The following ELF2 variants were observed in gnomAD, a reference collection of about 807,000 sequenced individuals.
ELF2 encodes ETS-related transcription factor Elf-2.
In ELF2, 11 loss-of-function variants were observed where a neutral mutation model predicts 54.8. That is an observed-to-expected ratio of 0.20 (90% CI 0.13 to 0.33). ELF2 has a LOEUF of 0.33. ELF2 is among the 10% of genes least tolerant of loss of function. The pLI is 1.00. For missense variants in ELF2, 513 were observed against 703.0 expected (o/e 0.73, Z 3.06); for synonymous variants, 203 against 245.1 (o/e 0.83, Z 1.61).
intron 8 of ELF2, among the ~76,000 whole-genome samples, chr4:139,061,026 A>G (rs762459595): frequency 6.6e-6 from 1 of 152,200 alleles, no homozygotes; most frequent in African/African-American, 2.4e-5. Context: ...CAACAAACTG[A>G]TATTACTGGA....
intron 7 of ELF2, among the ~76,000 whole-genome samples, chr4:139,063,919 G>A (rs971331718): frequency 2.0e-5 from 3 of 152,066 alleles, no homozygotes; most frequent in African/African-American, 7.2e-5. Context: ...TTATTATGGA[G>A]GAGAGAGTAG....
chr4:139,077,654 TAA>T (rs1051117252), intron 4 of ELF2, among the ~76,000 whole-genome samples: 3 of 151,082 alleles, frequency 2.0e-5, no homozygotes, highest in African/African-American at 7.3e-5. Context: ...TGTCTGTAAT[TAA>T]AAAAAAAATA....
chr4:139,125,370 A>T (rs1304286119), intron 3 of ELF2, 41 bp from the exon 4 acceptor site: 1 of 1,592,278 alleles, frequency 6.3e-7, no homozygotes, highest in Non-Finnish European at 8.5e-7. Context: ...CTTTGTATTT[A>T]CAAATTCTGA....
At chr4:139,095,451 C>G (rs937794156) in intron 4 of ELF2, among the ~76,000 whole-genome samples, 1 of 152,106 alleles carries the variant, frequency 6.6e-6, no homozygotes, top group African/African-American at 2.4e-5. Flanking sequence ...TCCCAAAGTG[C>G]TGGGATTACA....
At chr4:139,157,923 C>T (rs982888846) in intron 1 of ELF2, among the ~76,000 whole-genome samples, 2 of 152,178 alleles carry the variant, frequency 1.3e-5, no homozygotes, top group Non-Finnish European at 2.9e-5. Context: ...CGTCTGACTA[C>T]GGATCAGAAG....
At chr4:139,119,408 T>C (rs1401328406) in intron 4 of ELF2, among the ~76,000 whole-genome samples, 1 of 152,198 alleles carries the variant, frequency 6.6e-6, no homozygotes, top group Non-Finnish European at 1.5e-5. Context: ...TCAACGGGAT[T>C]CCTATGGCTT....
chr4:139,104,914 C>A (rs1292783615), intron 4 of ELF2, among the ~76,000 whole-genome samples: 1 of 152,158 alleles, frequency 6.6e-6, no homozygotes, highest in Non-Finnish European at 1.5e-5. Context: ...TTTCCCCAAC[C>A]CTATCTACTC....
intron 1 of ELF2, among the ~76,000 whole-genome samples, chr4:139,148,518 A>T (rs774960487): frequency 6.6e-6 from 1 of 151,690 alleles, no homozygotes; most frequent in Non-Finnish European, 1.5e-5. Flanking sequence ...CACTTACAAT[A>T]AAGTTTTCAA....
intron 1 of ELF2, among the ~76,000 whole-genome samples, chr4:139,147,864 G>A (rs1245386449): frequency 3.6e-5 from 5 of 140,004 alleles, no homozygotes; most frequent in South Asian, 2.2e-4. Context: ...TCGGCTCACC[G>A]CAACCTCCGC....
intron 4 of ELF2, among the ~76,000 whole-genome samples, chr4:139,075,919 T>A (rs747874275): frequency 3.3e-4 from 50 of 152,340 alleles, no homozygotes; most frequent in South Asian, 1.2e-3. Context: ...AGATTTTTTT[T>A]AAGATGTCCC....
intron 1 of ELF2, among the ~76,000 whole-genome samples, chr4:139,176,509 C>T (rs1293950433): frequency 2.6e-5 from 4 of 152,198 alleles, no homozygotes; most frequent in East Asian, 3.9e-4. Context: ...ACAAACCCTC[C>T]CAGGACGCGC....
chr4:139,161,652 TAAAAAAAAAAAAAAAA>T (rs57452146), intron 1 of ELF2, among the ~76,000 whole-genome samples: 1 of 70,020 alleles, frequency 1.4e-5, no homozygotes, highest in South Asian at 5.8e-4. Context: ...TAAAACTGTT[TAAAAAAAAAAAAAAAA>T]AAAAAAAAAA....
chr4:139,135,237 A>G (rs13152169), intron 3 of ELF2, among the ~76,000 whole-genome samples: 24,454 of 112,032 alleles, frequency 0.22, 2,324 homozygotes, highest in African/African-American at 0.25. Flanking sequence ...TACTATATAT[A>G]TGTGTGTGTG....
intron 4 of ELF2, among the ~76,000 whole-genome samples, chr4:139,108,229 A>G (rs35814515): frequency 0.085 from 12,972 of 152,158 alleles, 718 homozygotes; most frequent in Non-Finnish European, 0.13. Context: ...CACTGGGAAT[A>G]CCTTATTATT....
chr4:139,096,754 G>T (rs1733334661), intron 4 of ELF2, among the ~76,000 whole-genome samples: 1 of 151,716 alleles, frequency 6.6e-6, no homozygotes, highest in Admixed American at 6.6e-5. Flanking sequence ...ACAGGTGTAA[G>T]CAACAGTGCT....
At chr4:139,137,183 G>A (rs971413677) in intron 3 of ELF2, 1 of 155,442 alleles carries the variant, frequency 6.4e-6, no homozygotes, top group Non-Finnish European at 1.4e-5. Context: ...GTTTAAATGA[G>A]ATTAAAATAC....
In ELF2 at chr4:139,174,067, C is replaced by CA. The variant is rs531811735; in HGVS notation, c.-252+2899dup. Among the ~76,000 whole-genome samples, 488 of 119,058 alleles carry CA rather than the reference C, an allele frequency of 4.1e-3. 3 individuals carry two copies. Among genetic ancestry groups the CA allele is most frequent in the South Asian group, 0.032 (131 of 4,056 alleles). The allele number at this position is 119,058 out of a possible 152,430, so 78.1% of individuals were successfully genotyped here. A position where few individuals can be genotyped will look rare whatever the true frequency, so the allele number is the denominator to read the frequency against. ...TGAAACCCCATCTCTACTAAAAATA[C>CA]AAAAAAAAAAAAAAAATTAGCCAGG... On this transcript the variant is annotated intron_variant, in intron 1 of 9. Coordinates refer to ENST00000686138, the MANE Select transcript of ELF2 (RefSeq NM_001331036.3).
At chr4:139,103,703 A>G (rs1270816870) in intron 4 of ELF2, among the ~76,000 whole-genome samples, 1 of 152,256 alleles carries the variant, frequency 6.6e-6, no homozygotes, top group Non-Finnish European at 1.5e-5. Context: ...CCAAGTAGAC[A>G]GTGTCAGAAC....
intron 6 of ELF2, among the ~76,000 whole-genome samples, chr4:139,069,777 T>C (rs949832958): frequency 6.6e-6 from 1 of 152,002 alleles, no homozygotes; most frequent in Non-Finnish European, 1.5e-5. Flanking sequence ...ACCACAAAAA[T>C]ATAAATAACG....
Sources: gnomAD v4.1 joint callset for allele counts (sites outside exome capture counted in the v4.1 genomes callset) on GRCh38, gnomAD v4.1.1 for gene constraint, MANE v1.5 for transcripts, NCBI Gene and HGNC (gene_info 2026-07-23, HGNC 2026-07-21) for gene names.